RTL4: variants seen among roughly 807,000 people sequenced by gnomAD.
RTL4 encodes the protein retrotransposon Gag-like protein 4.
In RTL4, 4 loss-of-function variants were observed where a neutral mutation model predicts 5.3. The ratio of observed to expected loss-of-function variants is 0.75; its 90% CI spans 0.37 to 1.72. The LOEUF (loss-of-function observed/expected upper bound fraction) is 1.72, where lower values mean the gene tolerates loss of function less well. RTL4 is among the 40% of genes most tolerant of loss of function. The pLI is 0.04. For missense variants in RTL4, 260 were observed against 227.1 expected, an observed-to-expected ratio of 1.14 and a Z score of -0.93; for synonymous variants, 98 against 87.3, an observed-to-expected ratio of 1.12 and a Z score of -0.68.
chrX:112,360,617 T>C, the RTL4 span, among the ~76,000 whole-genome samples: 1 of 110,671 alleles, frequency 9.0e-6, no homozygotes, highest in East Asian at 2.8e-4. Flanking sequence ...TCCTCCTTCT[T>C]CTATCATCAT....
At chrX:112,317,231 C>G in the RTL4 span, among the ~76,000 whole-genome samples, 1 of 111,719 alleles carries the variant, frequency 9.0e-6, no homozygotes, top group South Asian at 3.7e-4. Context: ...GTCCCAGGTA[C>G]TCGGAAGACT....
the RTL4 span, among the ~76,000 whole-genome samples, chrX:112,246,518 G>A: frequency 8.9e-5 from 10 of 112,162 alleles, no homozygotes; most frequent in African/African-American, 2.3e-4. Flanking sequence ...TGTGGCACCC[G>A]CTGAGCCAGG....
At chrX:112,112,054 TC>T in the RTL4 span, among the ~76,000 whole-genome samples, 10 of 111,842 alleles carry the variant, frequency 8.9e-5, no homozygotes, top group Admixed American at 9.5e-4. Context: ...GACAATGAGA[TC>T]CTTTCCTTGT....
the RTL4 span, among the ~76,000 whole-genome samples, chrX:112,445,034 T>C: frequency 8.9e-6 from 1 of 111,867 alleles, no homozygotes; most frequent in African/African-American, 3.2e-5. Context: ...TTATTGAAAA[T>C]ATGAACTATT....
At chrX:112,309,825 T>TATATATACATATATGTATACAC in the RTL4 span, among the ~76,000 whole-genome samples, 3,448 of 106,126 alleles carry the variant, frequency 0.032, 203 homozygotes, top group African/African-American at 0.11. Flanking sequence ...CATATATACA[T>TATATATACATATATGTATACAC]ATATATACAT....
chrX:112,126,844 C>T, the RTL4 span, among the ~76,000 whole-genome samples: 1 of 111,539 alleles, frequency 9.0e-6, no homozygotes, highest in East Asian at 2.8e-4. Context: ...CACAAACTAC[C>T]AATTCTGACT....
At chrX:112,284,409 T>C in the RTL4 span, among the ~76,000 whole-genome samples, 2 of 110,638 alleles carry the variant, frequency 1.8e-5, no homozygotes, top group African/African-American at 3.3e-5. Context: ...TAACATACTA[T>C]ATATAATGAA....
the RTL4 span, among the ~76,000 whole-genome samples, chrX:112,114,323 A>C: frequency 9.0e-6 from 1 of 111,401 alleles, no homozygotes; most frequent in African/African-American, 3.3e-5. Context: ...ACCAGTAGGG[A>C]ATTTGTCCCT....
the RTL4 span, among the ~76,000 whole-genome samples, chrX:112,192,708 A>G: frequency 2.5e-3 from 280 of 111,638 alleles, no homozygotes; most frequent in Middle Eastern, 4.7e-3. Context: ...ACATCTTTAT[A>G]TATTGTATGG....
chrX:112,153,460 A>G, the RTL4 span, among the ~76,000 whole-genome samples: 1 of 111,998 alleles, frequency 8.9e-6, no homozygotes, highest in Non-Finnish European at 1.9e-5. Context: ...TTGTTGAGAC[A>G]TTTTTGTCAT....
chrX:112,315,946 G>C, the RTL4 span, among the ~76,000 whole-genome samples: 1 of 111,921 alleles, frequency 8.9e-6, no homozygotes, highest in Non-Finnish European at 1.9e-5. Context: ...TTACTTTGGA[G>C]TATATACTAG....
the RTL4 span, among the ~76,000 whole-genome samples, chrX:112,390,205 C>A: frequency 2.9e-4 from 23 of 79,373 alleles, no homozygotes; most frequent in Admixed American, 1.6e-4. Flanking sequence ...GCAACCCCAG[C>A]AATTTGGGAG....
At chrX:112,213,603 G>A in the RTL4 span, among the ~76,000 whole-genome samples, 2 of 111,831 alleles carry the variant, frequency 1.8e-5, no homozygotes, top group Admixed American at 1.9e-4. Flanking sequence ...CAGACTATAT[G>A]GATTTCACCA....
chrX:112,412,458 T>C, the RTL4 span, among the ~76,000 whole-genome samples: 1 of 111,535 alleles, frequency 9.0e-6, no homozygotes, highest in African/African-American at 3.3e-5. Context: ...CAAATTATAC[T>C]ACAAAGCTAT....
the RTL4 span, among the ~76,000 whole-genome samples, chrX:112,221,193 G>A: frequency 9.0e-6 from 1 of 111,681 alleles, no homozygotes; most frequent in Non-Finnish European, 1.9e-5. Context: ...CCAGGTGAGA[G>A]ACAGCATGCA....
At chrX:112,255,614 C>A in the RTL4 span, among the ~76,000 whole-genome samples, 11 of 111,650 alleles carry the variant, frequency 9.9e-5, no homozygotes, top group Non-Finnish European at 1.9e-4. Flanking sequence ...CACCTCACAG[C>A]CAAATTGTTA....
the RTL4 span, among the ~76,000 whole-genome samples, chrX:112,173,687 C>T: frequency 2.7e-5 from 3 of 109,606 alleles, no homozygotes; most frequent in East Asian, 5.8e-4. Flanking sequence ...GCATAGTAGC[C>T]CTCTGGAGTT....
At chrX:112,372,287 T>C in the RTL4 span, among the ~76,000 whole-genome samples, 1 of 111,721 alleles carries the variant, frequency 9.0e-6, no homozygotes, top group Non-Finnish European at 1.9e-5. Flanking sequence ...TTCATGTATG[T>C]TATATAGTGT....
the RTL4 span, among the ~76,000 whole-genome samples, chrX:112,389,306 T>C: frequency 9.6e-6 from 1 of 103,769 alleles, no homozygotes. Flanking sequence ...TTCTAGCTAC[T>C]GTTCTAGCTA....
Sources: gnomAD v4.1 joint callset for allele counts (sites outside exome capture counted in the v4.1 genomes callset) on GRCh38, gnomAD v4.1.1 for gene constraint, MANE v1.5 for transcripts, NCBI Gene and HGNC (gene_info 2026-07-23, HGNC 2026-07-21) for gene names.